The following TNNT3 variants were observed in gnomAD, a reference collection of about 807,000 sequenced individuals.
TNNT3 encodes the protein troponin T, fast skeletal muscle.
Under a neutral mutation model 54.2 loss-of-function variants are expected in TNNT3, and 36 were observed. That is an observed-to-expected ratio of 0.66 (90% confidence interval 0.51 to 0.88). The LOEUF (loss-of-function observed/expected upper bound fraction) is 0.88, where lower values mean the gene tolerates loss of function less well. Ranked by LOEUF, TNNT3 falls within the 40% of genes least tolerant of loss-of-function variation. TNNT3 has a pLI of 0.00. For synonymous variants in TNNT3, 120 were observed against 109.7 expected (o/e 1.09, Z -0.59); for missense variants, 291 against 331.6 (o/e 0.88, Z 0.95).
In TNNT3 at chr11:1,925,424, A is replaced by G. The variant is rs992537749; in HGVS notation, c.67+308A>G. 3 of 846,994 alleles carry G rather than the reference A, an allele frequency of 3.5e-6. No individual in the cohort carries two copies. The African/African-American group carries it at 5.1e-5, about 14-fold the overall frequency. 52.5% of individuals were successfully genotyped at this position (846,994 alleles called of 1,614,324 possible). On this transcript the variant is annotated intron_variant, in intron 5 of 15. Coordinates refer to ENST00000278317, the MANE Select transcript of TNNT3 (RefSeq NM_006757.4). The stretch of plus-strand genomic sequence containing the variant: ...CCCACATGTGGCCCTAATGTAACCC[A>G]CTAACCGCGGCCAATGCTTGACCAG...
chr11:1,920,877 A>T (rs1295322619), intron 1 of TNNT3, among the ~76,000 whole-genome samples: 2 of 152,032 alleles, frequency 1.3e-5, no homozygotes. Context: ...GCAATGACAC[A>T]GGCCATACTG....
At chr11:1,928,556 G>A (rs150544420) in intron 6 of TNNT3, among the ~76,000 whole-genome samples, 1 of 152,302 alleles carries the variant, frequency 6.6e-6, no homozygotes, top group African/African-American at 2.4e-5. Flanking sequence ...ACTCAGGCGG[G>A]GGCTCCTGGG....
chr11:1,930,700 A>C (rs1853123018), intron 8 of TNNT3, among the ~76,000 whole-genome samples: 2 of 152,226 alleles, frequency 1.3e-5, no homozygotes, highest in South Asian at 4.1e-4. Flanking sequence ...GGAGCATTGC[A>C]GATTCTCAGA....
chr11:1,928,257 A>C (rs1426552690), intron 6 of TNNT3, among the ~76,000 whole-genome samples: 1 of 152,176 alleles, frequency 6.6e-6, no homozygotes, highest in Non-Finnish European at 1.5e-5. Context: ...GGGTGCCACT[A>C]GGCCAGCGGC....
chr11:1,934,765 T>C (rs1854469742), intron 13 of TNNT3, 64 bp from the exon 14 acceptor site: 3 of 1,599,612 alleles, frequency 1.9e-6, no homozygotes, highest in Non-Finnish European at 2.6e-6. Flanking sequence ...GCAGGAGGAC[T>C]CCAGGGGCCT....
chr11:1,920,573 A>G (rs1035405153), intron 1 of TNNT3, among the ~76,000 whole-genome samples: 4 of 151,022 alleles, frequency 2.6e-5, no homozygotes, highest in Non-Finnish European at 4.4e-5. Flanking sequence ...GGGGCAAAGC[A>G]AAGGTTGGCT....
intron 4 of TNNT3, among the ~76,000 whole-genome samples, chr11:1,924,080 G>A (rs986418663): frequency 1.3e-5 from 2 of 151,880 alleles, no homozygotes; most frequent in African/African-American, 4.8e-5. Flanking sequence ...GCTTCTCTCT[G>A]TCTCTGTATC....
Position 1,929,819 on chromosome 11 carries a change from C to T in TNNT3, c.116C>T (p.Pro39Leu), listed in dbSNP as rs770168335. Residue 39 changes from proline to leucine, a missense_variant, in exon 8 of 16, where the codon CCG becomes CTG. Coordinates refer to ENST00000278317, the MANE Select transcript of TNNT3 (RefSeq NM_006757.4). ...GTGCTGTGTGGACCAGAGGAGAAAC[C>T]GAGACCCAAGTGAGTGTGGGGTCCT... ...TAEEDAEEEK[P>L]RPKLTAPKIP... 4.4e-5 allele frequency: 69 copies of T among 1,550,874 alleles called. No individual in the cohort carries two copies. Among genetic ancestry groups the T allele is most frequent in the South Asian group, 3.2e-4 (27 of 83,904 alleles).
At chr11:1,922,929 G>A (rs752255453) in intron 2 of TNNT3, 38 bp downstream of exon 2, 17 of 1,613,510 alleles carry the variant, frequency 1.1e-5, no homozygotes, top group Admixed American at 6.7e-5. Context: ...TGCCTGGCTC[G>A]GGACCCTGGC....
rs1464049185 is a variant in TNNT3 at position 1,923,559 on chromosome 11, G to A, written c.36G>A (p.Gln12=). The A allele has an allele frequency of 3.7e-6, 6 of 1,613,888 alleles. No individual in the cohort carries two copies. Among genetic ancestry groups the A allele is most frequent in the Non-Finnish European group, 5.1e-6 (6 of 1,179,986 alleles). The change falls in exon 4 of 16, where the codon CAG becomes CAA. Residue 12 remains glutamine, a synonymous_variant. Coordinates refer to ENST00000278317, the MANE Select transcript of TNNT3 (RefSeq NM_006757.4). ...SDEEVEQVEE[Q]YEEEEEAQEE... ...CTTTGTTCTGTCCCAATGCAGAGCA[G>A]TACGAAGAAGAAGGTAATTCTGGCA...
chr11:1,924,776 AG>A, intron 4 of TNNT3: 1 of 557,276 alleles, frequency 1.8e-6, no homozygotes, highest in Non-Finnish European at 3.2e-6. Context: ...GGACTTAACA[AG>A]GGCCCCCGTG....
chr11:1,936,181 C>A, intron 14 of TNNT3: 2 of 1,613,624 alleles, frequency 1.2e-6, no homozygotes, highest in South Asian at 1.1e-5. Flanking sequence ...CCCAGCCGCC[C>A]ATCCAGCCTT....
chr11:1,925,354 G>C, intron 5 of TNNT3: 1 of 1,503,578 alleles, frequency 6.7e-7, no homozygotes, highest in Non-Finnish European at 9.0e-7. Context: ...GGGGGAGAGG[G>C]GGAGAGGGTG....
At position 1,934,432 on chromosome 11, in the gene TNNT3, G is replaced by A. The variant is rs1854345422; in HGVS notation, c.467G>A (p.Ser156Asn). 1 of 1,613,552 alleles carries A rather than the reference G, an allele frequency of 6.2e-7. No homozygotes were observed. The highest frequency in any genetic ancestry group is 1.7e-5 in the Admixed American group (1 of 60,000). Residue 156 changes from serine to asparagine, a missense_variant, in exon 12 of 16, where the codon AGC becomes AAC. Ser to Asn is a conservative substitution (Grantham distance 46). Transcript: ENST00000278317. ...TCTTCCATGGGAGCCAACTACAGCA[G>A]CTACCTGGCCAAGGTGTGTGCCGCT... is the stretch of plus-strand genomic sequence containing the variant. The part of the protein sequence containing the change: ...ALSSMGANYS[S>N]YLAKADQKRG...
At position 1,934,326 on chromosome 11, in the gene TNNT3, C is replaced by T. The variant is rs766717417; in HGVS notation, c.367-6C>T. On this transcript the variant is annotated splice_polypyrimidine_tract_variant and splice_region_variant and intron_variant, in intron 11 of 15. Coordinates refer to ENST00000278317, the MANE Select transcript of TNNT3 (RefSeq NM_006757.4). ...CCTGAGCATCTTGGGAATGGGGTCT[C>T]CACAGGAGGAAAAGGCCAGAAGGGA... The T allele has an allele frequency of 3.7e-6, 6 of 1,612,632 alleles. No homozygotes were observed. The South Asian group carries it at 5.5e-5, about 15-fold the overall frequency.
chr11:1,922,910 G>T lies in TNNT3; in HGVS notation c.17+19G>T. 1 of 1,613,628 alleles carries T rather than the reference G, an allele frequency of 6.2e-7. No individual in the cohort carries two copies. The highest frequency in any genetic ancestry group is 8.5e-7 in the Non-Finnish European group (1 of 1,180,000). ...AGGAAGTGTGAGTACCCAGCTGGTG[G>T]CTGCCCCCTGCCTGGCTCGGGACCC... On this transcript the variant is annotated intron_variant, in intron 2 of 15. Transcript: ENST00000278317.
Position 1,924,862 on chromosome 11 carries a change from C to T in TNNT3, c.50-237C>T, listed in dbSNP as rs3741222. 0.23 allele frequency: 142,255 copies of T among 626,926 alleles called. 16,928 individuals carry two copies. Among genetic ancestry groups the T allele is most frequent in the Middle Eastern group, 0.27 (633 of 2,368 alleles). 38.8% of individuals were successfully genotyped at this position (626,926 alleles called of 1,614,324 possible). A position where few individuals can be genotyped will look rare whatever the true frequency, so the allele number is the denominator to read the frequency against. On this transcript the variant is annotated intron_variant, in intron 4 of 15. Transcript: ENST00000278317. ...GGGCCTCAGAACCCCTCTCAGGGGC[C>T]GGGCCCAGCCCAGCTGACAGTGACC...
At chr11:1,936,747 G>C (rs1377881086) in intron 14 of TNNT3, among the ~76,000 whole-genome samples, 2 of 152,248 alleles carry the variant, frequency 1.3e-5, no homozygotes, top group Admixed American at 6.5e-5. Context: ...GTACAGGCTG[G>C]CGAGAGTAAG....
Position 1,934,893 on chromosome 11 carries a change from G to A in TNNT3, c.655G>A (p.Glu219Lys). The A allele has an allele frequency of 4.3e-6, 7 of 1,613,650 alleles. No homozygotes were observed. The highest frequency in any genetic ancestry group is 5.9e-6 in the Non-Finnish European group (7 of 1,180,038). ...GGAGATTGACAAGTTCGAGTTTGGG[G>A]AGAAGCTGAAACGCCAGAAATATGA... ...QLEIDKFEFG[E>K]KLKRQKYDIT... The change falls in exon 14 of 16, where the codon GAG becomes AAG. Residue 219 changes from glutamate (E) to lysine (K), a missense_variant. By Grantham distance (56) the Glu-to-Lys change is moderately conservative. Coordinates refer to ENST00000278317, the MANE Select transcript of TNNT3 (RefSeq NM_006757.4).
Sources: gnomAD v4.1 joint callset for allele counts (sites outside exome capture counted in the v4.1 genomes callset) on GRCh38, gnomAD v4.1.1 for gene constraint, MANE v1.5 for transcripts, NCBI Gene and HGNC (gene_info 2026-07-23, HGNC 2026-07-21) for gene names.